Variants in LARGE1 observed in about 807,000 individuals in gnomAD.
The protein encoded by LARGE1 is xylosyl- and glucuronyltransferase LARGE1.
A neutral mutation model predicts 87.6 loss-of-function variants in LARGE1; 43 were observed. That is an observed-to-expected ratio of 0.49 (90% CI 0.38 to 0.63). LARGE1 has a LOEUF of 0.63. Among genes scored for constraint, LARGE1 ranks in the 30% least tolerant of loss-of-function variants. LARGE1 has a pLI of 0.00. For synonymous variants in LARGE1, 434 were observed against 394.6 expected, an observed-to-expected ratio of 1.10 and a Z score of -1.18; for missense variants, 802 against 1,000.2, an observed-to-expected ratio of 0.80 and a Z score of 2.67.
chr22:33,775,305 C>T (rs926037181), intron 1 of LARGE1, among the ~76,000 whole-genome samples: 3 of 152,204 alleles, frequency 2.0e-5, no homozygotes, highest in South Asian at 2.1e-4. Context: ...GGATCCCTGT[C>T]GACCTGACCT....
At chr22:33,353,915 T>A (rs941121910) in intron 9 of LARGE1, among the ~76,000 whole-genome samples, 1 of 152,246 alleles carries the variant, frequency 6.6e-6, no homozygotes, top group Non-Finnish European at 1.5e-5. Context: ...CGCTGCTAGA[T>A]GCCATTGATT....
intron 11 of LARGE1, among the ~76,000 whole-genome samples, chr22:33,201,296 G>T (rs956161633): frequency 2.6e-5 from 4 of 151,298 alleles, no homozygotes; most frequent in African/African-American, 9.7e-5. Context: ...CAACAAGAGC[G>T]AAACTCCATC....
intron 1 of LARGE1, among the ~76,000 whole-genome samples, chr22:33,893,370 C>T (rs1426037742): frequency 6.6e-6 from 1 of 152,198 alleles, no homozygotes; most frequent in African/African-American, 2.4e-5. Flanking sequence ...TCTGGATCCA[C>T]TAACACTAGT....
At chr22:33,498,554 G>C (rs1365854460) in intron 6 of LARGE1, among the ~76,000 whole-genome samples, 3 of 152,098 alleles carry the variant, frequency 2.0e-5, no homozygotes, top group African/African-American at 4.8e-5. Flanking sequence ...AACACCTAAG[G>C]GTTGGCATAT....
intron 2 of LARGE1, among the ~76,000 whole-genome samples, chr22:33,744,639 G>C (rs1343032795): frequency 6.6e-6 from 1 of 152,196 alleles, no homozygotes; most frequent in African/African-American, 2.4e-5. Context: ...CATTGCACCG[G>C]GGACACACTT....
intron 9 of LARGE1, among the ~76,000 whole-genome samples, chr22:33,359,225 T>C (rs1164138629): frequency 6.6e-5 from 10 of 152,124 alleles, no homozygotes; most frequent in Admixed American, 6.5e-4. Context: ...CATTGCTGTA[T>C]CAGAGGAAAA....
intron 1 of LARGE1, among the ~76,000 whole-genome samples, chr22:33,910,857 C>G (rs1479238416): frequency 6.6e-6 from 1 of 152,136 alleles, no homozygotes; most frequent in East Asian, 1.9e-4. Flanking sequence ...ACAAAGAAAA[C>G]CTGGAGAGGA....
Position 33,289,582 on chromosome 22 carries a change from C to T in LARGE1, c.1731-6234G>A, listed in dbSNP as rs76030277. On this transcript the variant is annotated intron_variant, in intron 12 of 14. Coordinates refer to ENST00000397394, the MANE Select transcript of LARGE1 (RefSeq NM_133642.5). ...GGTGCATCCAAGGCAAGAGAATGGG[C>T]GAGAGTGAAGGAGGATTCAGAGAAG... Among the ~76,000 whole-genome samples, 1,095 of 152,248 alleles carry T rather than the reference C, an allele frequency of 7.2e-3. 15 individuals are homozygous for T. The highest frequency in any genetic ancestry group is 0.025 in the African/African-American group (1,034 of 41,548).
At chr22:33,313,813 C>T (rs1360880852) in intron 11 of LARGE1, among the ~76,000 whole-genome samples, 1 of 152,212 alleles carries the variant, frequency 6.6e-6, no homozygotes, top group Non-Finnish European at 1.5e-5. Flanking sequence ...CTTGAGATTT[C>T]AGTCCTGAGA....
At chr22:33,518,058 C>T (rs2071397021) in intron 6 of LARGE1, among the ~76,000 whole-genome samples, 4 of 152,172 alleles carry the variant, frequency 2.6e-5, no homozygotes, top group Admixed American at 2.6e-4. Flanking sequence ...GCAATGGGAA[C>T]CAGGATTTGA....
At position 33,441,071 on chromosome 22, in the gene LARGE1, C is replaced by CTTTTTTTTTT. The variant is rs35976426; in HGVS notation, c.788-8816_788-8807dup. Among the ~76,000 whole-genome samples, 80 of 98,508 alleles carry CTTTTTTTTTT rather than the reference C, an allele frequency of 8.1e-4. 4 individuals carry two copies. Among genetic ancestry groups the CTTTTTTTTTT allele is most frequent in the African/African-American group, 2.7e-3 (56 of 20,388 alleles). 64.6% of individuals were successfully genotyped at this position (98,508 alleles called of 152,430 possible). ...CTCAGCTGCTGCTATTTTGTTTGAA[C>CTTTTTTTTTT]TTTTTTTTTTTTTTTTTTTTGAGAG... On this transcript the variant is annotated intron_variant, in intron 6 of 14. Transcript: ENST00000397394.
chr22:33,616,713 C>G (rs1231654260), intron 4 of LARGE1, among the ~76,000 whole-genome samples: 2 of 152,030 alleles, frequency 1.3e-5, no homozygotes, highest in Admixed American at 1.3e-4. Context: ...AAAGCCAGTC[C>G]AAAAGACTAA....
intron 2 of LARGE1, among the ~76,000 whole-genome samples, chr22:33,731,831 A>C (rs919464618): frequency 4.6e-5 from 7 of 152,200 alleles, no homozygotes; most frequent in African/African-American, 1.7e-4. Flanking sequence ...TGTACACATT[A>C]AATATGTACA....
intron 2 of LARGE1, among the ~76,000 whole-genome samples, chr22:33,722,746 C>G (rs1180245928): frequency 1.3e-5 from 2 of 152,122 alleles, no homozygotes; most frequent in African/African-American, 4.8e-5. Flanking sequence ...TGAAGAGGGA[C>G]TCTACAAAAA....
At chr22:33,279,250 G>A (rs140899817) in intron 13 of LARGE1, among the ~76,000 whole-genome samples, 2 of 152,298 alleles carry the variant, frequency 1.3e-5, no homozygotes, top group Admixed American at 6.5e-5. Flanking sequence ...GTTAGGAAGA[G>A]TATCCAGAGC....
chr22:33,539,935 C>G (rs1339119946), intron 6 of LARGE1, among the ~76,000 whole-genome samples: 1 of 152,090 alleles, frequency 6.6e-6, no homozygotes, highest in Non-Finnish European at 1.5e-5. Flanking sequence ...TGAAGTTCTT[C>G]TGACCCGGGA....
intron 9 of LARGE1, among the ~76,000 whole-genome samples, chr22:33,371,963 G>A (rs1337592656): frequency 1.6e-4 from 24 of 147,954 alleles, no homozygotes; most frequent in Admixed American, 8.8e-4. Context: ...CAGCCTGGGC[G>A]ACAGAGCGAG....
chr22:33,395,726 G>C (rs1001589083), intron 7 of LARGE1, among the ~76,000 whole-genome samples: 1 of 152,210 alleles, frequency 6.6e-6, no homozygotes, highest in African/African-American at 2.4e-5. Context: ...ATGAGGTTCA[G>C]AGGAAGTTTC....
rs56832457 is a variant in LARGE1, at chr22:33,762,213, CAAAAAAAAA to C, written c.-82-664_-82-656del. ...AGGGAGACAGAGCGAGATTCTATCT[CAAAAAAAAA>C]AAAAAAAAAAAAAAAAAAAGACTAG... On this transcript the variant is annotated intron_variant, in intron 1 of 14. Coordinates refer to ENST00000397394, the MANE Select transcript of LARGE1 (RefSeq NM_133642.5). Among the ~76,000 whole-genome samples the C allele has an allele frequency of 3.9e-4, 33 of 84,478 alleles. 1 individual carries two copies. The highest frequency in any genetic ancestry group is 6.8e-4 in the Non-Finnish European group (30 of 44,116). 55.4% of individuals were successfully genotyped at this position (84,478 alleles called of 152,430 possible).
Sources: allele counts gnomAD v4.1 joint callset (sites outside exome capture counted in the v4.1 genomes callset), GRCh38; gene constraint gnomAD v4.1.1; transcripts MANE v1.5; gene names NCBI Gene and HGNC (gene_info 2026-07-23, HGNC 2026-07-21).